ENOX1: variants seen among roughly 807,000 people sequenced by gnomAD.
ENOX1 encodes the protein ecto-NOX disulfide-thiol exchanger 1.
Under a neutral mutation model 82.5 loss-of-function variants are expected in ENOX1, and 42 were observed. The observed-to-expected ratio is 0.51, with a 90% CI of 0.40 to 0.66. The LOEUF (loss-of-function observed/expected upper bound fraction) is 0.66, where lower values mean the gene tolerates loss of function less well. Among genes scored for constraint, ENOX1 ranks in the 30% least tolerant of loss-of-function variants. The pLI is 0.00. For missense variants in ENOX1, 608 were observed against 811.6 expected (o/e 0.75, Z 3.05); for synonymous variants, 271 against 282.2 (o/e 0.96, Z 0.40).
intron 3 of ENOX1, among the ~76,000 whole-genome samples, chr13:43,429,964 C>T (rs1473750044): frequency 6.6e-6 from 1 of 152,178 alleles, no homozygotes; most frequent in East Asian, 1.9e-4. Context: ...AGTTTTGTTA[C>T]AGTTTTATGT....
intron 2 of ENOX1, among the ~76,000 whole-genome samples, chr13:43,643,699 A>G (rs1366960557): frequency 1.3e-5 from 2 of 151,896 alleles, no homozygotes; most frequent in African/African-American, 4.8e-5. Context: ...CCATATATAC[A>G]TAAATATATA....
rs1174140854 is a variant in ENOX1, at chr13:43,381,482, A to AG, written c.209-20031_209-20030insC. On this transcript the variant is annotated intron_variant, in intron 5 of 16. Transcript: ENST00000690772. ...TGGCTTCTATCTTATAAAAAAAAAA[A>AG]ACCTTAAAAAAAAAAGAGCAAATTG... Among the ~76,000 whole-genome samples, 15 of 151,006 alleles carry AG rather than the reference A, an allele frequency of 9.9e-5. No homozygotes were observed. The East Asian group carries it at 2.7e-3, about 27-fold the overall frequency.
chr13:43,429,075 T>G (rs2055504880), intron 3 of ENOX1, among the ~76,000 whole-genome samples: 2 of 152,152 alleles, frequency 1.3e-5, no homozygotes, highest in Admixed American at 6.6e-5. Flanking sequence ...CTAAGAAACG[T>G]GCACAGCAGT....
At chr13:43,375,897 A>G (rs1202613728) in intron 5 of ENOX1, among the ~76,000 whole-genome samples, 1 of 152,186 alleles carries the variant, frequency 6.6e-6, no homozygotes, top group African/African-American at 2.4e-5. Context: ...TCTTCCTAAC[A>G]CAGGAACATT....
intron 12 of ENOX1, among the ~76,000 whole-genome samples, chr13:43,270,259 C>G (rs552590240): frequency 6.6e-6 from 1 of 152,084 alleles, no homozygotes; most frequent in East Asian, 1.9e-4. Context: ...CTGCGCAGTG[C>G]GAATTCTTTG....
At chr13:43,519,433 G>T (rs2077677342) in intron 2 of ENOX1, among the ~76,000 whole-genome samples, 1 of 152,140 alleles carries the variant, frequency 6.6e-6, no homozygotes, top group African/African-American at 2.4e-5. Context: ...TACCTCTATA[G>T]CCTGGTTGGC....
At chr13:43,330,134 ATAC>A (rs1221655338) in intron 9 of ENOX1, among the ~76,000 whole-genome samples, 4 of 152,372 alleles carry the variant, frequency 2.6e-5, no homozygotes, top group African/African-American at 7.2e-5. Context: ...GGTATAATTC[ATAC>A]TACTTACTCT....
intron 1 of ENOX1, among the ~76,000 whole-genome samples, chr13:43,762,375 C>T (rs1951035381): frequency 6.6e-6 from 1 of 152,176 alleles, no homozygotes; most frequent in Non-Finnish European, 1.5e-5. Context: ...TTTCAGTCTT[C>T]TCAGATAATT....
At chr13:43,455,783 T>A (rs1190378385) in intron 3 of ENOX1, among the ~76,000 whole-genome samples, 1 of 152,078 alleles carries the variant, frequency 6.6e-6, no homozygotes, top group African/African-American at 2.4e-5. Flanking sequence ...ATAAGTCTCA[T>A]GAGATCTGAC....
chr13:43,515,906 G>A (rs867540350), intron 2 of ENOX1, among the ~76,000 whole-genome samples: 8 of 152,116 alleles, frequency 5.3e-5, no homozygotes, highest in Non-Finnish European at 1.2e-4. Context: ...ACACTTCCTG[G>A]ATGTCCAGAG....
At chr13:43,321,073 C>T (rs1419265582) in intron 11 of ENOX1, 2 of 456,106 alleles carry the variant, frequency 4.4e-6, no homozygotes, top group Non-Finnish European at 8.8e-6. Flanking sequence ...AAAATAGTGG[C>T]ATGGTGCCTA....
chr13:43,718,652 G>A (rs1376645836), intron 1 of ENOX1, among the ~76,000 whole-genome samples: 4 of 109,584 alleles, frequency 3.7e-5, no homozygotes, highest in African/African-American at 1.5e-4. Context: ...ACTCCAGCCT[G>A]GGAGACAAAG....
At chr13:43,756,381 C>T (rs762672928) in intron 1 of ENOX1, among the ~76,000 whole-genome samples, 10 of 147,104 alleles carry the variant, frequency 6.8e-5, no homozygotes, top group South Asian at 2.3e-4. Flanking sequence ...CGCAGTGAAC[C>T]GGGATCGTAC....
At chr13:43,279,187 C>T (rs953561608) in intron 12 of ENOX1, among the ~76,000 whole-genome samples, 16 of 152,154 alleles carry the variant, frequency 1.1e-4, no homozygotes, top group Non-Finnish European at 2.1e-4. Flanking sequence ...CGTGGCATTC[C>T]CATAATCCAC....
At chr13:43,778,484 C>G (rs571584924) in intron 1 of ENOX1, among the ~76,000 whole-genome samples, 1 of 152,078 alleles carries the variant, frequency 6.6e-6, no homozygotes, top group African/African-American at 2.4e-5. Flanking sequence ...TCAGGGAAAA[C>G]AACAGATACA....
chr13:43,537,498 T>A (rs768660362), intron 2 of ENOX1, among the ~76,000 whole-genome samples: 12 of 152,312 alleles, frequency 7.9e-5, no homozygotes, highest in East Asian at 1.9e-4. Flanking sequence ...GTTACTGTGA[T>A]TTGTTTTTAT....
At chr13:43,405,656 C>T (rs1030958343) in intron 5 of ENOX1, among the ~76,000 whole-genome samples, 1 of 152,184 alleles carries the variant, frequency 6.6e-6, no homozygotes, top group Non-Finnish European at 1.5e-5. Flanking sequence ...GTCATCCATT[C>T]CTGTGGTTTC....
chr13:43,714,081 T>G (rs1305265763), intron 1 of ENOX1, among the ~76,000 whole-genome samples: 2 of 147,028 alleles, frequency 1.4e-5, no homozygotes, highest in Non-Finnish European at 3.0e-5. Flanking sequence ...ACACACTGCT[T>G]TGAATGCGTC....
intron 3 of ENOX1, among the ~76,000 whole-genome samples, chr13:43,439,537 G>A (rs9594942): frequency 0.21 from 32,461 of 152,090 alleles, 3,810 homozygotes; most frequent in Middle Eastern, 0.31. Context: ...CAAATGTGAT[G>A]TTATAGTGTT....
Sources: allele counts gnomAD v4.1 joint callset (sites outside exome capture counted in the v4.1 genomes callset), GRCh38; gene constraint gnomAD v4.1.1; transcripts MANE v1.5; gene names NCBI Gene and HGNC (gene_info 2026-07-23, HGNC 2026-07-21).